The following PCNT variants were observed in gnomAD, a reference collection of about 807,000 sequenced individuals.
PCNT encodes pericentrin.
PCNT carries 319 observed loss-of-function variants against 380.4 expected under a neutral mutation model. The observed-to-expected ratio is 0.84, with a 90% CI of 0.77 to 0.92. The LOEUF (loss-of-function observed/expected upper bound fraction) is 0.92. Ranked by LOEUF, PCNT falls within the 40% of genes least tolerant of loss-of-function variation. PCNT has a pLI of 0.00. For synonymous variants in PCNT, 1,845 were observed against 1,735.2 expected, an observed-to-expected ratio of 1.06 and a Z score of -1.57; for missense variants, 4,400 against 4,255.3, an observed-to-expected ratio of 1.03 and a Z score of -0.95.
chr21:46,430,005 C>T lies in PCNT; in HGVS notation c.7691-5C>T, dbSNP rs2087683241. The T allele has an allele frequency of 1.2e-6, 2 of 1,613,224 alleles. No individual in the cohort carries two copies. The highest frequency in any genetic ancestry group is 1.7e-6 in the Non-Finnish European group (2 of 1,179,276). On this transcript the variant is annotated splice_polypyrimidine_tract_variant and splice_region_variant and intron_variant, in intron 35 of 46. Transcript: ENST00000359568. ...GGCCTGTTACTGTTCTTTTGTCTTTCTCAGTTGAACTGCTGGCTTATAAAG... is the reference window on the plus strand; with the variant it reads ...GGCCTGTTACTGTTCTTTTGTCTTTTTCAGTTGAACTGCTGGCTTATAAAG...
At chr21:46,349,533 A>T in intron 7 of PCNT, 151 bp from the exon 8 acceptor site, 1 of 810,678 alleles carries the variant, frequency 1.2e-6, no homozygotes, top group South Asian at 1.4e-5. Context: ...CCCTGGTGCT[A>T]TCAGGCATGT....
At position 46,402,440 on chromosome 21, in the gene PCNT, C is replaced by T. The variant is rs949774959; in HGVS notation, c.5072C>T (p.Ala1691Val). 6.2e-7 allele frequency: 1 copy of T among 1,614,076 alleles called. No individual in the cohort carries two copies. The highest frequency in any genetic ancestry group is 8.5e-7 in the Non-Finnish European group (1 of 1,179,952). Residue 1691 changes from alanine to valine, a missense_variant, in exon 27 of 47, where the codon GCT becomes GTT. Transcript: ENST00000359568. ...LKLDMQNSQT[A>V]VSLRELEEEN... ...TTGGACATGCAGAACAGCCAGACTG[C>T]TGTCAGCCTCAGAGAACTTGAGGAA... is the stretch of plus-strand genomic sequence containing the variant.
chr21:46,444,857 A>G, intron 46 of PCNT, 36 bp downstream of exon 46: 5 of 1,602,846 alleles, frequency 3.1e-6, no homozygotes, highest in Non-Finnish European at 4.3e-6. Context: ...TATTAAGCTG[A>G]TTATCACTGT....
intron 13 of PCNT, among the ~76,000 whole-genome samples, chr21:46,360,545 A>G (rs1381760289): frequency 6.1e-5 from 7 of 115,038 alleles, no homozygotes; most frequent in Non-Finnish European, 8.6e-5. Flanking sequence ...CTGAGACGGA[A>G]TATTGCTCTG....
At chr21:46,358,402 T>C (rs1031100446) in intron 13 of PCNT, among the ~76,000 whole-genome samples, 3 of 152,212 alleles carry the variant, frequency 2.0e-5, no homozygotes, top group Non-Finnish European at 4.4e-5. Context: ...TATGATGACC[T>C]GCAAGTCTGA....
chr21:46,404,809 G>A (rs754812560), intron 27 of PCNT, among the ~76,000 whole-genome samples: 54 of 152,148 alleles, frequency 3.5e-4, no homozygotes, highest in Non-Finnish European at 4.4e-4. Context: ...AATTAGCCAG[G>A]CATGGTGACA....
intron 13 of PCNT, among the ~76,000 whole-genome samples, chr21:46,360,245 C>T (rs1248839358): frequency 3.8e-5 from 3 of 79,286 alleles, no homozygotes; most frequent in South Asian, 4.2e-4. Context: ...TTTTTAAAGA[C>T]GGAATCTCAC....
chr21:46,414,945 C>T (rs2086964414), intron 29 of PCNT, among the ~76,000 whole-genome samples: 1 of 152,230 alleles, frequency 6.6e-6, no homozygotes, highest in Non-Finnish European at 1.5e-5. Flanking sequence ...CCAACTACTC[C>T]TCCAGGCTCT....
At chr21:46,356,143 A>C (rs543235123) in intron 12 of PCNT, among the ~76,000 whole-genome samples, 1 of 152,142 alleles carries the variant, frequency 6.6e-6, no homozygotes, top group South Asian at 2.1e-4. Flanking sequence ...GACAGTGGCC[A>C]CTGACGGGTT....
chr21:46,432,225 G>T lies in PCNT; in HGVS notation c.8751+10G>T, dbSNP rs575078921. 8 of 1,599,484 alleles carry T rather than the reference G, an allele frequency of 5.0e-6. No homozygotes were observed. Among genetic ancestry groups the T allele is most frequent in the Non-Finnish European group, 6.8e-6 (8 of 1,174,436 alleles). On this transcript the variant is annotated intron_variant, in intron 38 of 46. Transcript: ENST00000359568. Reference sequence around the variant, plus strand: ...AGACAAGGAGAAGCTGGTGAGAGCCGCCTGCCGGCGGAGCGTCCACACCTA... The same window carrying T: ...AGACAAGGAGAAGCTGGTGAGAGCCTCCTGCCGGCGGAGCGTCCACACCTA...
At chr21:46,346,590 C>G (rs2084075786) in intron 4 of PCNT, 153 bp from the exon 5 acceptor site, 3 of 934,452 alleles carry the variant, frequency 3.2e-6, no homozygotes, top group Non-Finnish European at 4.9e-6. Flanking sequence ...TCAGTGGCAT[C>G]CGGGCCTCTG....
In PCNT at chr21:46,397,441, C is replaced by T. The variant is rs779421902; in HGVS notation, c.4393C>T (p.Gln1465Ter). 2 of 1,614,236 alleles carry T rather than the reference C, an allele frequency of 1.2e-6. No homozygotes were observed. Residue 1465 changes from glutamine (Q) to a stop codon, truncating the protein, a stop_gained, in exon 22 of 47, where the codon CAG becomes TAG. Coordinates refer to ENST00000359568, the MANE Select transcript of PCNT (RefSeq NM_006031.6). LOFTEE classifies it high-confidence loss of function. ...KQAEAVTALE[Q>*]QVASLDKHLR... is the part of the protein sequence containing the mutation. ...GGCGGAGGCCGTCACTGCCCTGGAA[C>T]AGCAGGTGGCATCTCTGGACAAGCA...
chr21:46,434,891 G>A (rs1261237047), intron 38 of PCNT, among the ~76,000 whole-genome samples: 3 of 152,248 alleles, frequency 2.0e-5, no homozygotes, highest in East Asian at 3.8e-4. Context: ...GCACAGGGAA[G>A]CGTCATCCGG....
Position 46,411,857 on chromosome 21 carries a change from C to G in PCNT, c.5784C>G (p.Arg1928=). Residue 1928 remains arginine, a synonymous_variant, in exon 28 of 47, where the codon CGC becomes CGG. Transcript: ENST00000359568. ...AGTGGCTCCGAGCGCAGTGTGCCCG[C>G]CTCAGCCGCCAGCTGCAGGTGCTGC... ...ELQWLRAQCA[R]LSRQLQVLHQ... The G allele has an allele frequency of 6.4e-7, 1 of 1,562,676 alleles. No individual in the cohort carries two copies. Among genetic ancestry groups the G allele is most frequent in the Non-Finnish European group, 8.6e-7 (1 of 1,160,896 alleles).
chr21:46,353,082 G>A, intron 9 of PCNT, 22 bp from the exon 10 acceptor site: 1 of 1,602,794 alleles, frequency 6.2e-7, no homozygotes. Flanking sequence ...TAAGACGATT[G>A]CCTGACTCCG....
chr21:46,417,748 C>A (rs1003997515), intron 30 of PCNT, among the ~76,000 whole-genome samples: 1 of 151,782 alleles, frequency 6.6e-6, no homozygotes, highest in African/African-American at 2.4e-5. Context: ...AAAAAAAACA[C>A]AAAAAATTAG....
intron 41 of PCNT, 73 bp from the exon 42 acceptor site, chr21:46,440,010 C>A: frequency 1.3e-6 from 2 of 1,593,084 alleles, no homozygotes; most frequent in East Asian, 2.3e-5. Flanking sequence ...CCTCACCTGC[C>A]CCCGGCTGCG....
intron 8 of PCNT, among the ~76,000 whole-genome samples, chr21:46,350,613 A>G (rs1158439523): frequency 1.3e-5 from 2 of 152,184 alleles, no homozygotes; most frequent in Non-Finnish European, 2.9e-5. Context: ...AGATTTACAA[A>G]CATGAGAATA....
At position 46,397,231 on chromosome 21, in the gene PCNT, G is replaced by C. The variant is rs751042176; in HGVS notation, c.4217-34G>C. On this transcript the variant is annotated intron_variant, in intron 21 of 46. Coordinates refer to ENST00000359568, the MANE Select transcript of PCNT (RefSeq NM_006031.6). ...CATGCACCAGCCTCTGAGGTGCGGGGGTGTCCCCGTGTCTGTCCTGTTTGC... is the reference window on the plus strand; with the variant it reads ...CATGCACCAGCCTCTGAGGTGCGGGCGTGTCCCCGTGTCTGTCCTGTTTGC... The C allele has an allele frequency of 1.0e-5, 16 of 1,543,746 alleles. No homozygotes were observed. In the South Asian group the frequency reaches 1.8e-4, roughly 17 times the overall value.
Sources: gnomAD v4.1 joint callset for allele counts (sites outside exome capture counted in the v4.1 genomes callset) on GRCh38, gnomAD v4.1.1 for gene constraint, MANE v1.5 for transcripts, NCBI Gene and HGNC (gene_info 2026-07-23, HGNC 2026-07-21) for gene names.